CAPZB: variants seen among roughly 807,000 people sequenced by gnomAD.
The protein encoded by CAPZB is capping actin protein of muscle Z-line subunit beta.
CAPZB carries 2 observed loss-of-function variants against 38.1 expected under a neutral mutation model. The ratio of observed to expected loss-of-function variants is 0.05; its 90% CI spans 0.02 to 0.17. The LOEUF (loss-of-function observed/expected upper bound fraction) is 0.17, where lower values mean the gene tolerates loss of function less well. CAPZB is among the 10% of genes least tolerant of loss of function. The pLI, the probability that CAPZB is intolerant of heterozygous loss-of-function variation, is 1.00. For missense variants in CAPZB, 161 were observed against 334.2 expected (o/e 0.48, Z 4.04); for synonymous variants, 107 against 127.4 (o/e 0.84, Z 1.08).
In CAPZB at chr1:19,344,451, T is replaced by G; in HGVS notation, c.655-17A>C. 1 of 1,608,478 alleles carries G rather than the reference T, an allele frequency of 6.2e-7. No homozygotes were observed. The highest frequency in any genetic ancestry group is 8.5e-7 in the Non-Finnish European group (1 of 1,174,832). On this transcript the variant is annotated splice_polypyrimidine_tract_variant and intron_variant, in intron 7 of 8. Coordinates refer to ENST00000264202, the MANE Select transcript of CAPZB (RefSeq NM_004930.5). ...TTCCATGTCCTGGAAGGGAGGTCGGTCAGCGCAGTGGCAAAAGGTCAGGAA... is the reference window on the plus strand; with the variant it reads ...TTCCATGTCCTGGAAGGGAGGTCGGGCAGCGCAGTGGCAAAAGGTCAGGAA...
rs58929734 is a variant in CAPZB, at chr1:19,389,429, G to GT, written c.94-3804dup. ...TTCCTAAAGGTTACATGGGTCGTGTGTTTTTTTTTTCTCAATGAGATGGAG... is the reference window on the plus strand; with the variant it reads ...TTCCTAAAGGTTACATGGGTCGTGTGTTTTTTTTTTTCTCAATGAGATGGAG... On this transcript the variant is annotated intron_variant, in intron 2 of 8. Coordinates refer to ENST00000264202, the MANE Select transcript of CAPZB (RefSeq NM_004930.5). 5.7e-3 allele frequency among the ~76,000 whole-genome samples: 856 copies of GT among 150,348 alleles called. 7 individuals carry two copies. Among genetic ancestry groups the GT allele is most frequent in the South Asian group, 0.029 (138 of 4,732 alleles).
intron 1 of CAPZB, among the ~76,000 whole-genome samples, chr1:19,426,617 C>A (rs943965832): frequency 6.6e-6 from 1 of 152,162 alleles, no homozygotes; most frequent in Admixed American, 6.5e-5. Flanking sequence ...CCCGAGGCCA[C>A]CCTGTGCAGA....
At chr1:19,397,490 G>C (rs2094277964) in intron 2 of CAPZB, among the ~76,000 whole-genome samples, 1 of 152,206 alleles carries the variant, frequency 6.6e-6, no homozygotes, top group Admixed American at 6.5e-5. Flanking sequence ...GCGGACTCTA[G>C]AATGACACCT....
chr1:19,352,682 C>A (rs947851777), intron 6 of CAPZB, among the ~76,000 whole-genome samples: 3 of 152,266 alleles, frequency 2.0e-5, no homozygotes, highest in African/African-American at 4.8e-5. Context: ...GGCCGGCCTG[C>A]GGCTCACCTT....
intron 2 of CAPZB, among the ~76,000 whole-genome samples, chr1:19,417,070 T>C (rs750604229): frequency 1.3e-5 from 2 of 151,966 alleles, no homozygotes; most frequent in Non-Finnish European, 2.9e-5. Flanking sequence ...TCACCATCAA[T>C]GCTGCAATTT....
At chr1:19,370,971 G>C (rs192899110) in intron 4 of CAPZB, among the ~76,000 whole-genome samples, 1 of 152,300 alleles carries the variant, frequency 6.6e-6, no homozygotes, top group East Asian at 1.9e-4. Flanking sequence ...CCATGAGGGA[G>C]GGACTGGGCC....
At chr1:19,400,288 G>T (rs1440275809) in intron 2 of CAPZB, among the ~76,000 whole-genome samples, 2 of 152,148 alleles carry the variant, frequency 1.3e-5, no homozygotes, top group Non-Finnish European at 2.9e-5. Context: ...TAAAGGGGGT[G>T]ATGATGGAGA....
At chr1:19,442,466 A>T (rs1242115724) in intron 1 of CAPZB, among the ~76,000 whole-genome samples, 1 of 152,128 alleles carries the variant, frequency 6.6e-6, no homozygotes, top group East Asian at 1.9e-4. Flanking sequence ...TCTGTAACAA[A>T]AAGTTCTCTG....
chr1:19,370,651 C>T (rs990235709), intron 4 of CAPZB, among the ~76,000 whole-genome samples: 2 of 152,156 alleles, frequency 1.3e-5, no homozygotes, highest in Non-Finnish European at 2.9e-5. Context: ...GTTCAGACGT[C>T]GGAAGTCACT....
At chr1:19,360,683 A>G (rs1427191902) in intron 4 of CAPZB, among the ~76,000 whole-genome samples, 1 of 152,216 alleles carries the variant, frequency 6.6e-6, no homozygotes, top group African/African-American at 2.4e-5. Context: ...CAGAAAAATA[A>G]AACAACCGCA....
intron 3 of CAPZB, among the ~76,000 whole-genome samples, chr1:19,380,012 A>G (rs1208499665): frequency 6.6e-6 from 1 of 152,156 alleles, no homozygotes; most frequent in Non-Finnish European, 1.5e-5. Context: ...TTAAGGAAAA[A>G]AAAAGTATGC....
intron 4 of CAPZB, among the ~76,000 whole-genome samples, chr1:19,372,140 A>G (rs79606762): frequency 0.011 from 1,616 of 152,314 alleles, 25 homozygotes; most frequent in African/African-American, 0.037. Context: ...ATTATCTCAG[A>G]ACTGAAGCAA....
intron 1 of CAPZB, among the ~76,000 whole-genome samples, chr1:19,471,798 A>G (rs554897443): frequency 1.4e-5 from 2 of 138,124 alleles, no homozygotes; most frequent in Non-Finnish European, 3.2e-5. Flanking sequence ...ACCAGGAGGC[A>G]GAGCTTGCAG....
chr1:19,449,462 G>A (rs1318719848), intron 1 of CAPZB: 2 of 382,630 alleles, frequency 5.2e-6, no homozygotes, highest in Admixed American at 6.3e-5. Context: ...GGAACAGTAC[G>A]AAACAGCTAA....
chr1:19,339,733 G>C (rs372892028), intron 8 of CAPZB, 116 bp from the exon 9 acceptor site: 12 of 816,460 alleles, frequency 1.5e-5, no homozygotes, highest in East Asian at 1.5e-4. Context: ...CGCTTCCTGG[G>C]GTGAGGCTCT....
chr1:19,426,677 T>C (rs2094423984), intron 1 of CAPZB, among the ~76,000 whole-genome samples: 1 of 152,148 alleles, frequency 6.6e-6, no homozygotes, highest in African/African-American at 2.4e-5. Flanking sequence ...AGCCCCCAGG[T>C]GCTCCAGGCT....
intron 2 of CAPZB, among the ~76,000 whole-genome samples, chr1:19,399,905 G>A (rs1253963821): frequency 2.6e-5 from 4 of 152,096 alleles, no homozygotes; most frequent in Non-Finnish European, 5.9e-5. Context: ...TACTAAGCAA[G>A]GTACTCTGAG....
chr1:19,473,752 T>C (rs1305965403), intron 1 of CAPZB, among the ~76,000 whole-genome samples: 1 of 152,062 alleles, frequency 6.6e-6, no homozygotes, highest in Non-Finnish European at 1.5e-5. Flanking sequence ...TAATCCCAGC[T>C]ACTTGGGAGG....
intron 1 of CAPZB, among the ~76,000 whole-genome samples, chr1:19,482,981 T>G (rs2094635295): frequency 6.6e-6 from 1 of 152,168 alleles, no homozygotes; most frequent in African/African-American, 2.4e-5. Flanking sequence ...AGCAGGTAAG[T>G]TCATGGACAC....
Sources: gnomAD v4.1 joint callset for allele counts (sites outside exome capture counted in the v4.1 genomes callset) on GRCh38, gnomAD v4.1.1 for gene constraint, MANE v1.5 for transcripts, NCBI Gene and HGNC (gene_info 2026-07-23, HGNC 2026-07-21) for gene names.